CNTN1: variants seen among roughly 807,000 people sequenced by gnomAD.
CNTN1 encodes the protein contactin-1.
Under a neutral mutation model 126.4 loss-of-function variants are expected in CNTN1, and 38 were observed. The observed-to-expected ratio is 0.30, with a 90% CI of 0.23 to 0.39. CNTN1 has a LOEUF of 0.39. CNTN1 is among the 10% of genes least tolerant of loss of function. The pLI is 1.00. For missense variants in CNTN1, 1,009 were observed against 1,248.4 expected, an observed-to-expected ratio of 0.81 and a Z score of 2.89; for synonymous variants, 413 against 422.6, an observed-to-expected ratio of 0.98 and a Z score of 0.28.
intron 23 of CNTN1, among the ~76,000 whole-genome samples, chr12:41,067,050 T>G (rs1196437798): frequency 6.6e-6 from 1 of 152,194 alleles, no homozygotes; most frequent in East Asian, 1.9e-4. Context: ...TATATGTTGT[T>G]AGATTCAAAA....
At chr12:40,924,230 C>T (rs1945549799) in intron 5 of CNTN1, among the ~76,000 whole-genome samples, 3 of 152,052 alleles carry the variant, frequency 2.0e-5, no homozygotes, top group Admixed American at 6.6e-5. Context: ...TGTCTGATTT[C>T]ATTGTATTTC....
At chr12:40,935,757 A>G (rs990949106) in intron 9 of CNTN1, among the ~76,000 whole-genome samples, 6 of 152,082 alleles carry the variant, frequency 3.9e-5, no homozygotes, top group South Asian at 2.1e-4. Flanking sequence ...CATGTACTAA[A>G]TAAGATTATA....
chr12:40,797,065 T>A (rs1940465630), intron 1 of CNTN1, among the ~76,000 whole-genome samples: 1 of 152,072 alleles, frequency 6.6e-6, no homozygotes, highest in African/African-American at 2.4e-5. Flanking sequence ...AATTATATCT[T>A]GTGCCACTGG....
At chr12:40,713,570 T>C (rs980945131) in intron 1 of CNTN1, among the ~76,000 whole-genome samples, 1 of 151,974 alleles carries the variant, frequency 6.6e-6, no homozygotes, top group African/African-American at 2.4e-5. Context: ...TTATATAGAA[T>C]GACATAACAC....
At chr12:40,766,364 AAAAAAAAAAG>A (rs1203387380) in intron 1 of CNTN1, among the ~76,000 whole-genome samples, 1 of 147,984 alleles carries the variant, frequency 6.8e-6, no homozygotes, top group Admixed American at 6.6e-5. Flanking sequence ...CTTAAAAAAA[AAAAAAAAAAG>A]AAAGAAAGAA....
At chr12:40,809,141 A>G (rs985581167) in intron 1 of CNTN1, among the ~76,000 whole-genome samples, 1 of 152,218 alleles carries the variant, frequency 6.6e-6, no homozygotes, top group Non-Finnish European at 1.5e-5. Flanking sequence ...CTTTGTTCAG[A>G]AAGATCCCTA....
At chr12:40,894,527 T>TAA (rs961422520) in intron 1 of CNTN1, among the ~76,000 whole-genome samples, 2 of 152,212 alleles carry the variant, frequency 1.3e-5, no homozygotes, top group African/African-American at 2.4e-5. Flanking sequence ...CAATTTTCTT[T>TAA]AAGTCTAAAA....
At chr12:40,779,138 T>A (rs955334417) in intron 1 of CNTN1, among the ~76,000 whole-genome samples, 24 of 151,800 alleles carry the variant, frequency 1.6e-4, no homozygotes, top group Non-Finnish European at 2.9e-4. Flanking sequence ...TTTTTAAGGA[T>A]TTTTGATAAT....
chr12:40,946,881 G>A (rs930225718), intron 14 of CNTN1, among the ~76,000 whole-genome samples: 1 of 151,898 alleles, frequency 6.6e-6, no homozygotes. Context: ...TTTCCTTCAT[G>A]AAATTAAACA....
intron 1 of CNTN1, among the ~76,000 whole-genome samples, chr12:40,814,471 A>T (rs529769750): frequency 6.6e-6 from 1 of 151,990 alleles, no homozygotes; most frequent in East Asian, 1.9e-4. Flanking sequence ...CCCATTGATT[A>T]TTTTTGTCAG....
chr12:41,050,434 G>A (rs1949647665), intron 23 of CNTN1, among the ~76,000 whole-genome samples: 3 of 152,068 alleles, frequency 2.0e-5, no homozygotes, highest in African/African-American at 7.2e-5. Flanking sequence ...TGCACACAGT[G>A]GCAAGAAAGA....
chr12:40,812,663 T>G (rs1030730444), intron 1 of CNTN1, among the ~76,000 whole-genome samples: 2 of 152,166 alleles, frequency 1.3e-5, no homozygotes, highest in African/African-American at 4.8e-5. Flanking sequence ...GACCTTTGTC[T>G]CTTACGACAG....
chr12:40,944,730 T>G (rs1566006219), intron 14 of CNTN1, among the ~76,000 whole-genome samples: 2 of 151,846 alleles, frequency 1.3e-5, no homozygotes, highest in African/African-American at 4.8e-5. Context: ...TAGAAAGAAA[T>G]AAAATAGAGG....
At chr12:40,931,625 CA>C (rs1945887942) in intron 7 of CNTN1, among the ~76,000 whole-genome samples, 1 of 152,012 alleles carries the variant, frequency 6.6e-6, no homozygotes, top group African/African-American at 2.4e-5. Context: ...GCTTATTTAG[CA>C]ATACAGTTTC....
chr12:41,034,072 A>G (rs1052022935), intron 23 of CNTN1, among the ~76,000 whole-genome samples: 4 of 151,894 alleles, frequency 2.6e-5, no homozygotes, highest in Non-Finnish European at 5.9e-5. Context: ...ATAAAAAAAT[A>G]ATGATGTCAT....
chr12:40,966,225 G>A (rs1054951975), intron 15 of CNTN1, among the ~76,000 whole-genome samples: 4 of 152,034 alleles, frequency 2.6e-5, no homozygotes, highest in Admixed American at 6.6e-5. Flanking sequence ...TCTGGCCAAC[G>A]AAGTCTTGCC....
In CNTN1 at chr12:41,071,719, A is replaced by G. The variant is rs2121186503; in HGVS notation, c.*1684A>G. On this transcript the variant is annotated 3_prime_UTR_variant, in exon 24 of 24. Coordinates refer to ENST00000551295, the MANE Select transcript of CNTN1 (RefSeq NM_001843.4). Reference sequence around the variant, plus strand: ...ATGATTTCCCAGTGGAAGTATGTCAACAGTCTTAAGATCATTGCCAGATTT... The same window carrying G: ...ATGATTTCCCAGTGGAAGTATGTCAGCAGTCTTAAGATCATTGCCAGATTT... 1 of 152,344 alleles carries G rather than the reference A, an allele frequency of 6.6e-6. No individual in the cohort carries two copies. The allele number at this position is 152,344 out of a possible 1,614,324, so 9.4% of individuals were successfully genotyped here.
rs138690836 is a variant in CNTN1 at position 40,860,345 on chromosome 12, T to C, written c.-76-48012T>C. ...GTGATGTCTTCTTTAATAACACTTA[T>C]CCAGTTTTGATTCTCTGGACACCAA... On this transcript the variant is annotated intron_variant, in intron 1 of 23. Transcript: ENST00000551295. Among the ~76,000 whole-genome samples the C allele has an allele frequency of 3.1e-3, 470 of 152,274 alleles. 3 individuals are homozygous for C. Among genetic ancestry groups the C allele is most frequent in the African/African-American group, 0.011 (438 of 41,560 alleles).
chr12:41,067,552 G>T (rs1056540567), intron 23 of CNTN1, among the ~76,000 whole-genome samples: 4 of 147,402 alleles, frequency 2.7e-5, no homozygotes, highest in African/African-American at 1.0e-4. Context: ...TCACTCATAG[G>T]TGGGAATTGA....
Sources: allele counts gnomAD v4.1 joint callset (sites outside exome capture counted in the v4.1 genomes callset), GRCh38; gene constraint gnomAD v4.1.1; transcripts MANE v1.5; gene names NCBI Gene and HGNC (gene_info 2026-07-23, HGNC 2026-07-21).